The following MEF2C variants were observed in gnomAD, a reference collection of about 807,000 sequenced individuals.
MEF2C encodes the protein myocyte-specific enhancer factor 2C.
MEF2C carries 6 observed loss-of-function variants against 50.5 expected under a neutral mutation model. The observed-to-expected ratio is 0.12, with a 90% CI of 0.07 to 0.23. The LOEUF is 0.23. MEF2C is among the 10% of genes least tolerant of loss of function. The pLI, the probability that MEF2C is intolerant of heterozygous loss-of-function variation, is 1.00. For synonymous variants in MEF2C, 183 were observed against 228.0 expected (o/e 0.80, Z 1.78); for missense variants, 276 against 605.0 (o/e 0.46, Z 5.70).
chr5:88,766,556 TA>T, intron 3 of MEF2C: 1 of 833,068 alleles, frequency 1.2e-6, no homozygotes, highest in Non-Finnish European at 1.4e-6. Flanking sequence ...CATCACAGAC[TA>T]AAAGCTTTCA....
At chr5:88,773,655 C>T (rs958369320) in intron 3 of MEF2C, among the ~76,000 whole-genome samples, 1 of 152,090 alleles carries the variant, frequency 6.6e-6, no homozygotes, top group Non-Finnish European at 1.5e-5. Context: ...GATAGGTGTC[C>T]TACAGGGGAC....
At chr5:88,868,906 C>T (rs186926736) in intron 1 of MEF2C, among the ~76,000 whole-genome samples, 18 of 151,910 alleles carry the variant, frequency 1.2e-4, no homozygotes, top group African/African-American at 3.6e-4. Flanking sequence ...ATGTTCACAT[C>T]GTCAAAAAAC....
chr5:88,866,888 C>G (rs1428923214), intron 1 of MEF2C, among the ~76,000 whole-genome samples: 1 of 152,160 alleles, frequency 6.6e-6, no homozygotes, highest in Non-Finnish European at 1.5e-5. Context: ...CTCTGTTATA[C>G]ATCTCACATT....
In MEF2C at chr5:88,808,096, GGC is replaced by G. The variant is rs200102455; in HGVS notation, c.55-3297_55-3296del. Among the ~76,000 whole-genome samples, 632 of 152,076 alleles carry G rather than the reference GGC, an allele frequency of 4.2e-3. 4 individuals are homozygous for G. Among genetic ancestry groups the G allele is most frequent in the African/African-American group, 0.015 (603 of 41,506 alleles). On this transcript the variant is annotated intron_variant, in intron 2 of 10. Coordinates refer to ENST00000504921, the MANE Select transcript of MEF2C (RefSeq NM_002397.5). The stretch of plus-strand genomic sequence containing the variant: ...TGAGTCATAATTGATATTAAGGATG[GGC>G]TGAAAACCATCTTTTTGGAATGAAT...
chr5:88,730,764 T>A (rs1033915806), intron 7 of MEF2C, among the ~76,000 whole-genome samples: 1 of 152,198 alleles, frequency 6.6e-6, no homozygotes, highest in African/African-American at 2.4e-5. Flanking sequence ...TTTTGGTTGA[T>A]ATTCAAAATT....
rs1253053267 is a variant in MEF2C at position 88,733,042 on chromosome 5, A to C, written c.638-1141T>G. ...AAATCTCTTTGTGGTAATCCAATAC[A>C]TACTCATGGAAAACATAAAGACCAA... On this transcript the variant is annotated intron_variant, in intron 6 of 10. Coordinates refer to ENST00000504921, the MANE Select transcript of MEF2C (RefSeq NM_002397.5). The C allele has an allele frequency of 7.2e-6, 7 of 977,890 alleles. No homozygotes were observed. The African/African-American group carries it at 1.2e-4, about 17-fold the overall frequency. 60.6% of individuals were successfully genotyped at this position (977,890 alleles called of 1,614,324 possible).
At chr5:88,789,872 A>C (rs1201635872) in intron 3 of MEF2C, among the ~76,000 whole-genome samples, 1 of 152,216 alleles carries the variant, frequency 6.6e-6, no homozygotes. Flanking sequence ...TTACCTAATT[A>C]CAGTCCTTTT....
chr5:88,752,965 A>C (rs959048077), intron 4 of MEF2C, among the ~76,000 whole-genome samples: 2 of 152,244 alleles, frequency 1.3e-5, no homozygotes, highest in African/African-American at 4.8e-5. Context: ...TGGCATTCTT[A>C]ATATAAAATG....
chr5:88,873,504 C>G (rs1830141372), intron 1 of MEF2C, among the ~76,000 whole-genome samples: 1 of 151,888 alleles, frequency 6.6e-6, no homozygotes, highest in Non-Finnish European at 1.5e-5. Flanking sequence ...ACACTGAAGT[C>G]AAGAATTCTC....
chr5:88,742,544 G>C, intron 6 of MEF2C: 1 of 980,912 alleles, frequency 1.0e-6, no homozygotes, highest in Non-Finnish European at 1.2e-6. Flanking sequence ...AATTTGTGAA[G>C]TCAGAAATCA....
chr5:88,884,799 C>CA (rs34331976), upstream of MEF2C, among the ~76,000 whole-genome samples: 4,762 of 109,222 alleles, frequency 0.044, 86 homozygotes, highest in Non-Finnish European at 0.053. Context: ...CTTTTCCTTA[C>CA]AAAAAAAAAA....
intron 1 of MEF2C, among the ~76,000 whole-genome samples, chr5:88,891,144 T>C (rs1834501668): frequency 6.6e-6 from 1 of 152,246 alleles, no homozygotes; most frequent in Non-Finnish European, 1.5e-5. Context: ...CATAGATTCA[T>C]ATAATGCCTT....
At chr5:88,778,061 C>T (rs559685814) in intron 3 of MEF2C, among the ~76,000 whole-genome samples, 3 of 151,832 alleles carry the variant, frequency 2.0e-5, no homozygotes, top group Non-Finnish European at 2.9e-5. Flanking sequence ...CCCGCCACCA[C>T]GCCCGGCTAA....
chr5:88,813,733 C>G (rs1380427156), intron 2 of MEF2C, among the ~76,000 whole-genome samples: 1 of 152,080 alleles, frequency 6.6e-6, no homozygotes, highest in Non-Finnish European at 1.5e-5. Flanking sequence ...TTGAACCTTA[C>G]AGTGCTCAAT....
intron 1 of MEF2C, among the ~76,000 whole-genome samples, chr5:88,865,076 A>T (rs972263566): frequency 6.6e-5 from 10 of 151,912 alleles, no homozygotes; most frequent in African/African-American, 2.2e-4. Flanking sequence ...AAAAAAAAAA[A>T]TTTGGAGACT....
chr5:88,740,970 G>A (rs1766452019), intron 6 of MEF2C: 6 of 985,290 alleles, frequency 6.1e-6, no homozygotes, highest in Non-Finnish European at 6.0e-6. Flanking sequence ...CATGACAGAA[G>A]AGAAAGAATA....
In MEF2C at chr5:88,718,013, T is replaced by TA. The variant is rs1354679436; in HGVS notation, c.*4590dup. Reference sequence around the variant, plus strand: ...AAGTTGAACCATTCAATAAGAACCTTAGACTTCCACCACTGGCTGAATTCT... The same window carrying TA: ...AAGTTGAACCATTCAATAAGAACCTTAAGACTTCCACCACTGGCTGAATTCT... On this transcript the variant is annotated 3_prime_UTR_variant, in exon 11 of 11. Coordinates refer to ENST00000504921, the MANE Select transcript of MEF2C (RefSeq NM_002397.5). 6.6e-6 allele frequency: 1 copy of TA among 152,184 alleles called. No individual in the cohort carries two copies. The highest frequency in any genetic ancestry group is 1.5e-5 in the Non-Finnish European group (1 of 68,032). The allele number at this position is 152,184 out of a possible 1,614,324, so 9.4% of individuals were successfully genotyped here.
rs749895889 is a variant in MEF2C at position 88,729,290 on chromosome 5, C to G, written c.892G>C (p.Val298Leu). The stretch of plus-strand genomic sequence containing the variant: ...TGTCCTGGTAAAGTAGGAGTTGCTA[C>G]GGAAACCACTGGGGTAGCCAATGAC... The part of the protein sequence containing the change: ...AQSLATPVVS[V>L]ATPTLPGQGM... The change falls in exon 9 of 11, where the codon GTA becomes CTA. Residue 298 changes from valine (V) to leucine (L), a missense_variant. By Grantham distance (32) the Val-to-Leu change is conservative (BLOSUM62 1). Coordinates refer to ENST00000504921, the MANE Select transcript of MEF2C (RefSeq NM_002397.5). 1 of 1,612,686 alleles carries G rather than the reference C, an allele frequency of 6.2e-7. No individual in the cohort carries two copies. The highest frequency in any genetic ancestry group is 8.5e-7 in the Non-Finnish European group (1 of 1,179,282).
rs908229235 is a variant in MEF2C, at chr5:88,719,574, A to C, written c.*3030T>G. 1 of 152,362 alleles carries C rather than the reference A, an allele frequency of 6.6e-6. No homozygotes were observed. Among genetic ancestry groups the C allele is most frequent in the East Asian group, 1.9e-4 (1 of 5,192 alleles). 9.4% of individuals were successfully genotyped at this position (152,362 alleles called of 1,614,324 possible). On this transcript the variant is annotated 3_prime_UTR_variant, in exon 11 of 11. Coordinates refer to ENST00000504921, the MANE Select transcript of MEF2C (RefSeq NM_002397.5). ...ACTCTAGGACGGGTTATGTAAAATAATACTCCCTCAGGGCTCTGCCCTAAA... is the reference window on the plus strand; with the variant it reads ...ACTCTAGGACGGGTTATGTAAAATACTACTCCCTCAGGGCTCTGCCCTAAA...
Sources: allele counts gnomAD v4.1 joint callset (sites outside exome capture counted in the v4.1 genomes callset), GRCh38; gene constraint gnomAD v4.1.1; transcripts MANE v1.5; gene names NCBI Gene and HGNC (gene_info 2026-07-23, HGNC 2026-07-21).